Variants in AP2A2 observed in about 807,000 individuals in gnomAD.
The protein encoded by AP2A2 is AP-2 complex subunit alpha-2.
In AP2A2, 32 loss-of-function variants were observed where a neutral mutation model predicts 104.2. The observed-to-expected ratio is 0.31, with a 90% CI of 0.23 to 0.41. The LOEUF (loss-of-function observed/expected upper bound fraction) is 0.41, where lower values mean the gene tolerates loss of function less well. Among genes scored for constraint, AP2A2 ranks in the 10% least tolerant of loss-of-function variants. The probability of loss-of-function intolerance (pLI) is 1.00; values close to 1 mark genes in which losing one functional copy is unlikely to be tolerated. For synonymous variants in AP2A2, 539 were observed against 533.3 expected (o/e 1.01, Z -0.15); for missense variants, 912 against 1,261.0 (o/e 0.72, Z 4.19).
chr11:989,502 A>C (rs1322049973), intron 10 of AP2A2, among the ~76,000 whole-genome samples: 1 of 152,196 alleles, frequency 6.6e-6, no homozygotes, highest in Non-Finnish European at 1.5e-5. Context: ...TTGCATTTTG[A>C]GCCCTTGAAT....
rs1189565509 is a variant in AP2A2 at position 992,667 on chromosome 11, G to A, written c.1434G>A (p.Ala478=). Residue 478 remains alanine (A), a synonymous_variant, in exon 11 of 22, where the codon GCG becomes GCA. Transcript: ENST00000448903. This position sits in a 1 kb window ranked among gnomAD's most constrained non-coding sequence, Gnocchi z 6.4. ...ACCGGGACGACGTGCAGGGCTACGC[G>A]GCCAAGACTGTGTTCGAGGTATGGC... is the stretch of plus-strand genomic sequence containing the variant. ...VINRDDVQGY[A]AKTVFEALQA... The A allele has an allele frequency of 2.5e-6, 4 of 1,613,872 alleles. No homozygotes were observed. Among genetic ancestry groups the A allele is most frequent in the African/African-American group, 1.3e-5 (1 of 75,048 alleles).
chr11:956,947 G>A (rs1399778884), intron 1 of AP2A2: 1 of 152,222 alleles, frequency 6.6e-6, no homozygotes. Context: ...CCAGCGGGGT[G>A]TCCTCCAGCT....
At position 992,357 on chromosome 11, in the gene AP2A2, A is replaced by T; in HGVS notation, c.1270-146A>T. On this transcript the variant is annotated intron_variant, in intron 10 of 21. Transcript: ENST00000448903. The surrounding 1 kb of genome is among the most constrained non-coding windows in gnomAD (Gnocchi z 6.4). ...TCTGGGCTCGTGGGCTTTTTTGAGA[A>T]TCGAGTTCAAGCTTCCTCCATGTCC... 1.3e-6 allele frequency: 1 copy of T among 796,246 alleles called. No individual in the cohort carries two copies. Among genetic ancestry groups the T allele is most frequent in the Non-Finnish European group, 2.0e-6 (1 of 493,632 alleles). The allele number at this position is 796,246 out of a possible 1,614,324, so 49.3% of individuals were successfully genotyped here.
chr11:983,648 G>GC lies in AP2A2; in HGVS notation c.706-996dup, dbSNP rs527304346. 8.4e-3 allele frequency among the ~76,000 whole-genome samples: 1,273 copies of GC among 152,310 alleles called. 24 individuals carry two copies. The highest frequency in any genetic ancestry group is 0.03 in the African/African-American group (1,227 of 41,560). On this transcript the variant is annotated intron_variant, in intron 6 of 21. Transcript: ENST00000448903. ...TCCGCCCGCCTTGGCCTCTCAAAGTGCTGGGATTACAGGCGGGAGCCACCG... is the reference window on the plus strand; with the variant it reads ...TCCGCCCGCCTTGGCCTCTCAAAGTGCCTGGGATTACAGGCGGGAGCCACCG...
chr11:990,377 G>A (rs753607699), intron 10 of AP2A2, among the ~76,000 whole-genome samples: 3 of 152,196 alleles, frequency 2.0e-5, no homozygotes, highest in Non-Finnish European at 4.4e-5. Flanking sequence ...AGTGTGGCCT[G>A]GTGTCAGCAC....
At chr11:932,735 C>T (rs1853331020) in intron 1 of AP2A2, 1 of 456,186 alleles carries the variant, frequency 2.2e-6, no homozygotes, top group Non-Finnish European at 4.4e-6. Context: ...TTCTGGGACA[C>T]CCTGGTTCTC....
chr11:1,007,864 G>A (rs967999150), intron 17 of AP2A2, 148 bp from the exon 18 acceptor site: 8 of 1,091,066 alleles, frequency 7.3e-6, no homozygotes, highest in African/African-American at 4.7e-5. Flanking sequence ...GGGCAGGGCC[G>A]GGTGGTGTGG....
At position 998,972 on chromosome 11, in the gene AP2A2, G is replaced by A. The variant is rs528738404; in HGVS notation, c.1957-1460G>A. On this transcript the variant is annotated intron_variant, in intron 14 of 21. Coordinates refer to ENST00000448903, the MANE Select transcript of AP2A2 (RefSeq NM_012305.4). ...CTCCCAAAGTGCTGGGATTACAGGT[G>A]TGAGCCACCGTGCCAGGCTGGGTGT... Among the ~76,000 whole-genome samples, 94 of 152,292 alleles carry A rather than the reference G, an allele frequency of 6.2e-4. No homozygotes were observed. The Middle Eastern group carries it at 0.024, about 39-fold the overall frequency.
intron 1 of AP2A2, among the ~76,000 whole-genome samples, chr11:941,113 G>C (rs1853631316): frequency 6.6e-6 from 1 of 152,228 alleles, no homozygotes; most frequent in African/African-American, 2.4e-5. Context: ...GCAGGGATCT[G>C]CTGCTCTCTG....
intron 1 of AP2A2, among the ~76,000 whole-genome samples, chr11:926,732 C>G (rs930118964): frequency 3.3e-5 from 5 of 152,242 alleles, no homozygotes; most frequent in Non-Finnish European, 7.3e-5. Context: ...CGGAGGGAAT[C>G]TGGACACGAG....
chr11:993,346 G>A lies in AP2A2; in HGVS notation c.1515G>A (p.Glu505=), dbSNP rs1334047483. ...LVKVGGYILG[E]FGNLIAGDPR... is the part of the protein sequence containing the mutation. ...AAGTGGGCGGCTACATCCTGGGGGAGTTTGGAAACTTGATAGCTGGAGACC... is the reference window on the plus strand; with the variant it reads ...AAGTGGGCGGCTACATCCTGGGGGAATTTGGAAACTTGATAGCTGGAGACC... The change falls in exon 12 of 22, where the codon GAG becomes GAA. Residue 505 remains glutamate, a synonymous_variant. Coordinates refer to ENST00000448903, the MANE Select transcript of AP2A2 (RefSeq NM_012305.4). The surrounding 1 kb of genome is among the most constrained non-coding windows in gnomAD (Gnocchi z 8.2). 3 of 1,612,544 alleles carry A rather than the reference G, an allele frequency of 1.9e-6. No homozygotes were observed. The South Asian group carries it at 3.3e-5, about 18-fold the overall frequency.
chr11:960,887 A>G (rs1272150868), intron 2 of AP2A2, among the ~76,000 whole-genome samples: 1 of 148,658 alleles, frequency 6.7e-6, no homozygotes. Flanking sequence ...TCGAACTCCC[A>G]ACCTCAGGTG....
At chr11:940,759 T>C (rs977193808) in intron 1 of AP2A2, 1 of 453,744 alleles carries the variant, frequency 2.2e-6, no homozygotes, top group Admixed American at 2.4e-5. Context: ...GGCTGGTGGC[T>C]GTCCACCCAT....
intron 2 of AP2A2, among the ~76,000 whole-genome samples, chr11:962,020 T>A (rs1854458813): frequency 6.6e-6 from 1 of 151,900 alleles, no homozygotes; most frequent in Non-Finnish European, 1.5e-5. Flanking sequence ...CAGATGGAGA[T>A]GTGGGTCTGA....
chr11:946,810 A>G (rs1853854231), intron 1 of AP2A2: 1 of 145,618 alleles, frequency 6.9e-6, no homozygotes, highest in African/African-American at 2.5e-5. Context: ...TAAACAATAA[A>G]CAGAGGACAT....
intron 1 of AP2A2, among the ~76,000 whole-genome samples, chr11:929,500 C>T (rs375610679): frequency 1.8e-4 from 27 of 152,202 alleles, no homozygotes; most frequent in African/African-American, 4.8e-4. Flanking sequence ...CCTCAGCTGA[C>T]GCTTGAAGGG....
At chr11:989,938 T>C (rs1193723856) in intron 10 of AP2A2, among the ~76,000 whole-genome samples, 3 of 152,230 alleles carry the variant, frequency 2.0e-5, no homozygotes, top group Non-Finnish European at 4.4e-5. Context: ...GAAGTGCGGC[T>C]CAAGGCCTCC....
intron 4 of AP2A2, among the ~76,000 whole-genome samples, chr11:973,142 G>A (rs1854891807): frequency 6.6e-6 from 1 of 152,220 alleles, no homozygotes; most frequent in African/African-American, 2.4e-5. Flanking sequence ...GAGAGTGGGT[G>A]GACATCCACC....
chr11:979,822 C>T (rs1239354345), intron 5 of AP2A2, among the ~76,000 whole-genome samples: 1 of 152,222 alleles, frequency 6.6e-6, no homozygotes, highest in Admixed American at 6.5e-5. Context: ...CTGCTTCGGC[C>T]TCCCAAAGTG....
Sources: gnomAD v4.1 joint callset for allele counts (sites outside exome capture counted in the v4.1 genomes callset) on GRCh38, gnomAD v4.1.1 for gene constraint, Gnocchi (gnomAD v3.1) non-coding constraint, MANE v1.5 for transcripts, NCBI Gene and HGNC (gene_info 2026-07-23, HGNC 2026-07-21) for gene names.